AGK: variants seen among roughly 807,000 people sequenced by gnomAD.
AGK encodes acylglycerol kinase, also known as acylglycerol kinase, mitochondrial.
A neutral mutation model predicts 66.4 loss-of-function variants in AGK; 52 were observed. That is an observed-to-expected ratio of 0.78 (90% CI 0.63 to 0.99). The LOEUF (loss-of-function observed/expected upper bound fraction) is 0.99, where lower values mean the gene tolerates loss of function less well. Ranked by LOEUF, AGK falls within the 50% of genes least tolerant of loss-of-function variation. The pLI, the probability that AGK is intolerant of heterozygous loss-of-function variation, is 0.00. For missense variants in AGK, 451 were observed against 506.6 expected, an observed-to-expected ratio of 0.89 and a Z score of 1.05; for synonymous variants, 182 against 181.1, an observed-to-expected ratio of 1.00 and a Z score of -0.04.
chr7:141,576,509 G>A (rs1587079737), intron 2 of AGK, among the ~76,000 whole-genome samples: 2 of 150,972 alleles, frequency 1.3e-5, no homozygotes, highest in Admixed American at 6.6e-5. Context: ...TGGAGCAGGT[G>A]ACCAGGGGTG....
chr7:141,646,766 G>C (rs1224072562), intron 13 of AGK, among the ~76,000 whole-genome samples: 1 of 152,164 alleles, frequency 6.6e-6, no homozygotes, highest in East Asian at 1.9e-4. Context: ...ACACAGGCAG[G>C]CTAATTCATT....
At position 141,591,086 on chromosome 7, in the gene AGK, T is replaced by TG. The variant is rs1486223075; in HGVS notation, c.102-2060_102-2059insG. Among the ~76,000 whole-genome samples the TG allele has an allele frequency of 6.2e-3, 767 of 124,474 alleles. 10 individuals carry two copies. Among genetic ancestry groups the TG allele is most frequent in the African/African-American group, 0.026 (730 of 28,264 alleles). 81.7% of individuals were successfully genotyped at this position (124,474 alleles called of 152,430 possible). On this transcript the variant is annotated intron_variant, in intron 2 of 15. Transcript: ENST00000649286. ...GTAAAACATGGTTCTTAAGTTGTTTTTTTTTTTTTTTTTTTTTTTTTTTGA... is the reference window on the plus strand; with the variant it reads ...GTAAAACATGGTTCTTAAGTTGTTTTGTTTTTTTTTTTTTTTTTTTTTTTGA...
At chr7:141,647,504 G>A (rs1185062743) in intron 13 of AGK, among the ~76,000 whole-genome samples, 1 of 152,132 alleles carries the variant, frequency 6.6e-6, no homozygotes, top group Non-Finnish European at 1.5e-5. Context: ...TTCCCCTTGT[G>A]TGGATTGCTC....
chr7:141,555,593 C>A lies in AGK; in HGVS notation c.101+26C>A. On this transcript the variant is annotated intron_variant, in intron 2 of 15. Transcript: ENST00000649286. The surrounding 1 kb of genome is among the most constrained non-coding windows in gnomAD (Gnocchi z 4.2). ...GTAACTATCTGACAGCCCCATCCCACCTTTGCATCTGCAGCAAAACAGCCC... is the reference window on the plus strand; with the variant it reads ...GTAACTATCTGACAGCCCCATCCCAACTTTGCATCTGCAGCAAAACAGCCC... 1 of 1,559,544 alleles carries A rather than the reference C, an allele frequency of 6.4e-7. No homozygotes were observed. The highest frequency in any genetic ancestry group is 8.8e-7 in the Non-Finnish European group (1 of 1,134,966).
chr7:141,642,320 C>T (rs1797308935), intron 13 of AGK, among the ~76,000 whole-genome samples: 1 of 152,200 alleles, frequency 6.6e-6, no homozygotes, highest in South Asian at 2.1e-4. Context: ...CACACACATA[C>T]ATCTGTATCT....
At chr7:141,644,045 T>A (rs1258020647) in intron 13 of AGK, among the ~76,000 whole-genome samples, 1 of 152,066 alleles carries the variant, frequency 6.6e-6, no homozygotes, top group African/African-American at 2.4e-5. Context: ...AGTCCTTTTT[T>A]ACATAATGGA....
At chr7:141,621,225 G>C (rs905273616) in intron 8 of AGK, among the ~76,000 whole-genome samples, 11 of 152,194 alleles carry the variant, frequency 7.2e-5, no homozygotes, top group African/African-American at 2.4e-4. Flanking sequence ...GTGTTCAAAA[G>C]AATCAGCAAT....
At chr7:141,646,024 T>C (rs1587169343) in intron 13 of AGK, among the ~76,000 whole-genome samples, 2 of 152,092 alleles carry the variant, frequency 1.3e-5, no homozygotes. Flanking sequence ...GTGAGCCTGA[T>C]GCTTGCCCGA....
intron 2 of AGK, among the ~76,000 whole-genome samples, chr7:141,564,828 C>T (rs567235923): frequency 6.6e-6 from 1 of 152,202 alleles, no homozygotes; most frequent in Admixed American, 6.5e-5. Flanking sequence ...CTTCTGGGTT[C>T]AAGCGATTCT....
chr7:141,560,101 G>T (rs1213387886), intron 2 of AGK, among the ~76,000 whole-genome samples: 1 of 151,976 alleles, frequency 6.6e-6, no homozygotes, highest in African/African-American at 2.4e-5. Context: ...GCTCTGGCTA[G>T]AACTTCCTGT....
chr7:141,625,918 G>C lies in AGK; in HGVS notation c.588+4117G>C, dbSNP rs145468351. Among the ~76,000 whole-genome samples, 206 of 152,228 alleles carry C rather than the reference G, an allele frequency of 1.4e-3. 2 individuals carry two copies. The highest frequency in any genetic ancestry group is 4.8e-3 in the African/African-American group (198 of 41,528). On this transcript the variant is annotated intron_variant, in intron 9 of 15. Transcript: ENST00000649286. ...TTCTTCGTACTTTCCTGCATGCTAG[G>C]TGGGAATAGAATTTCCCATTTTTCT...
intron 13 of AGK, among the ~76,000 whole-genome samples, chr7:141,642,766 T>G (rs1797318178): frequency 6.6e-6 from 1 of 152,232 alleles, no homozygotes; most frequent in South Asian, 2.1e-4. Context: ...AATAAAGTTT[T>G]ATTGGAGCAC....
chr7:141,553,917 T>A (rs1795153675), intron 1 of AGK, among the ~76,000 whole-genome samples: 1 of 152,172 alleles, frequency 6.6e-6, no homozygotes, highest in Non-Finnish European at 1.5e-5. Flanking sequence ...CAGATAGTCA[T>A]AAAAAAATTT....
chr7:141,636,359 AC>A (rs1797169084), intron 10 of AGK, among the ~76,000 whole-genome samples: 1 of 152,148 alleles, frequency 6.6e-6, no homozygotes, highest in Non-Finnish European at 1.5e-5. Context: ...CGTACACTTG[AC>A]CCATTGTATC....
chr7:141,636,923 ATATTCT>A lies in AGK; in HGVS notation c.669-33_669-28del, dbSNP rs760377390. ...TATCTATCACATGATAGTTCTTTTGATATTCTTATCAGATTTTTATCTTGGTCTTTT... is the reference window on the plus strand; with the variant it reads ...TATCTATCACATGATAGTTCTTTTGATATCAGATTTTTATCTTGGTCTTTT... On this transcript the variant is annotated intron_variant, in intron 10 of 15. Transcript: ENST00000649286. 2.6e-6 allele frequency: 4 copies of A among 1,549,198 alleles called. No individual in the cohort carries two copies. The Admixed American group carries it at 6.8e-5, about 26-fold the overall frequency.
chr7:141,625,478 T>C (rs557902722), intron 9 of AGK, among the ~76,000 whole-genome samples: 4 of 152,242 alleles, frequency 2.6e-5, no homozygotes, highest in East Asian at 3.9e-4. Flanking sequence ...ACCTCCTAAG[T>C]AGCTGGGACT....
At chr7:141,615,085 T>A (rs1796677401) in intron 7 of AGK, among the ~76,000 whole-genome samples, 1 of 152,248 alleles carries the variant, frequency 6.6e-6, no homozygotes, top group South Asian at 2.1e-4. Flanking sequence ...CATTGGTCAC[T>A]GTATAAATGG....
At chr7:141,582,696 A>C (rs1030799030) in intron 2 of AGK, among the ~76,000 whole-genome samples, 1 of 151,976 alleles carries the variant, frequency 6.6e-6, no homozygotes, top group South Asian at 2.1e-4. Flanking sequence ...ATTAACCTTG[A>C]TTATGCCTTT....
Position 141,593,176 on chromosome 7 carries a change from A to G in AGK, c.132A>G (p.Gln44=). ...ACCTCCTAAGGAGAGCAGCCTGTCA[A>G]GAAGCTCAGGTAATACTACTTAATG... ...CDNLLRRAAC[Q]EAQVFGNQLI... Residue 44 remains glutamine (Q), a synonymous_variant, in exon 3 of 16, where the codon CAA becomes CAG. Transcript: ENST00000649286. 6.2e-7 allele frequency: 1 copy of G among 1,612,368 alleles called. No homozygotes were observed. The highest frequency in any genetic ancestry group is 8.5e-7 in the Non-Finnish European group (1 of 1,179,644).
Sources: allele counts gnomAD v4.1 joint callset (sites outside exome capture counted in the v4.1 genomes callset), GRCh38; gene constraint gnomAD v4.1.1; non-coding constraint Gnocchi (gnomAD v3.1); transcripts MANE v1.5; gene names NCBI Gene and HGNC (gene_info 2026-07-23, HGNC 2026-07-21).